The following DGKB variants were observed in gnomAD, a reference collection of about 807,000 sequenced individuals.
The protein encoded by DGKB is diacylglycerol kinase beta, also known as 90 kDa diacylglycerol kinase.
In DGKB, 67 loss-of-function variants were observed where a neutral mutation model predicts 114.3. That is an observed-to-expected ratio of 0.59 (90% CI 0.48 to 0.72). The LOEUF (loss-of-function observed/expected upper bound fraction) is 0.72, where lower values mean the gene tolerates loss of function less well. Ranked by LOEUF, DGKB falls within the 30% of genes least tolerant of loss-of-function variation. The pLI is 0.00. For missense variants in DGKB, 907 were observed against 975.2 expected (o/e 0.93, Z 0.93); for synonymous variants, 398 against 323.1 (o/e 1.23, Z -2.49).
At chr7:14,239,866 T>A (rs1793383628) in intron 23 of DGKB, among the ~76,000 whole-genome samples, 1 of 152,116 alleles carries the variant, frequency 6.6e-6, no homozygotes, top group African/African-American at 2.4e-5. Flanking sequence ...CTATCTATTA[T>A]CAAGGGATTG....
chr7:14,943,421 A>G (rs1214537364), intron 1 of DGKB, among the ~76,000 whole-genome samples: 1 of 151,980 alleles, frequency 6.6e-6, no homozygotes, highest in African/African-American at 2.4e-5. Context: ...CCAGACACTT[A>G]TTGAATAGAC....
At chr7:14,599,620 T>G (rs1167644815) in intron 17 of DGKB, among the ~76,000 whole-genome samples, 1 of 152,178 alleles carries the variant, frequency 6.6e-6, no homozygotes. Context: ...TGCTAATATA[T>G]GTATATTTCA....
rs559478756 is a variant in DGKB, at chr7:14,847,603, C to A, written c.-187-6153G>T. Among the ~76,000 whole-genome samples the A allele has an allele frequency of 2.0e-5, 3 of 152,286 alleles. No homozygotes were observed. The East Asian group carries it at 5.8e-4, about 29-fold the overall frequency. ...AGTGTTATGCTAAACAGATATGATACGTGAGCTATTAAATTGTGTTTAGGG... is the reference window on the plus strand; with the variant it reads ...AGTGTTATGCTAAACAGATATGATAAGTGAGCTATTAAATTGTGTTTAGGG... On this transcript the variant is annotated intron_variant, in intron 1 of 25. Coordinates refer to ENST00000402815, the MANE Select transcript of DGKB (RefSeq NM_001350709.2).
chr7:14,572,820 G>A (rs965194256), intron 20 of DGKB, among the ~76,000 whole-genome samples: 1 of 152,144 alleles, frequency 6.6e-6, no homozygotes, highest in African/African-American at 2.4e-5. Context: ...CTCCTATATT[G>A]TGTGATTTTA....
At chr7:14,710,213 G>T (rs1827123465) in intron 6 of DGKB, among the ~76,000 whole-genome samples, 1 of 151,862 alleles carries the variant, frequency 6.6e-6, no homozygotes, top group Admixed American at 6.6e-5. Context: ...ATATTGTTCT[G>T]TATAGAGACC....
At position 14,729,365 on chromosome 7, in the gene DGKB, G is replaced by A. The variant is rs575824652; in HGVS notation, c.322+6676C>T. On this transcript the variant is annotated intron_variant, in intron 5 of 25. Coordinates refer to ENST00000402815, the MANE Select transcript of DGKB (RefSeq NM_001350709.2). ...TCTCGATCTCCTGACCTTGTGATTC[G>A]CCCACCTTGGCCTCCCAAAGTGCTG... is the stretch of plus-strand genomic sequence containing the variant. 4.3e-3 allele frequency among the ~76,000 whole-genome samples: 646 copies of A among 151,342 alleles called. 1 individual carries two copies. Among genetic ancestry groups the A allele is most frequent in the Non-Finnish European group, 7.3e-3 (494 of 67,794 alleles).
chr7:14,916,074 T>C (rs1336319804), intron 1 of DGKB, among the ~76,000 whole-genome samples: 1 of 151,566 alleles, frequency 6.6e-6, no homozygotes, highest in African/African-American at 2.4e-5. Flanking sequence ...AAAGAAGATA[T>C]ATGCTGTTAT....
chr7:14,613,504 A>C, intron 15 of DGKB, 91 bp from the exon 16 acceptor site: 1 of 712,374 alleles, frequency 1.4e-6, no homozygotes, highest in Non-Finnish European at 2.4e-6. Context: ...AAATACCAAT[A>C]CGCAATTTCA....
chr7:14,876,151 A>G (rs1853249954), intron 1 of DGKB, among the ~76,000 whole-genome samples: 1 of 152,124 alleles, frequency 6.6e-6, no homozygotes, highest in African/African-American at 2.4e-5. Flanking sequence ...CCAGTGTGCC[A>G]TGTCTGTTTA....
At chr7:14,918,343 A>G (rs1396621797) in intron 1 of DGKB, among the ~76,000 whole-genome samples, 1 of 152,174 alleles carries the variant, frequency 6.6e-6, no homozygotes, top group Admixed American at 6.5e-5. Flanking sequence ...AAGTACAAAA[A>G]AGAACAACAA....
chr7:14,869,939 AT>A (rs1356010005), intron 1 of DGKB, among the ~76,000 whole-genome samples: 1 of 152,028 alleles, frequency 6.6e-6, no homozygotes, highest in Non-Finnish European at 1.5e-5. Context: ...ATAACCCACG[AT>A]TTTTTTATTA....
At chr7:14,469,897 G>A (rs562477971) in intron 21 of DGKB, among the ~76,000 whole-genome samples, 199 of 151,486 alleles carry the variant, frequency 1.3e-3, no homozygotes, top group Non-Finnish European at 2.2e-3. Flanking sequence ...TATATAAATC[G>A]ATGCATCACA....
chr7:14,941,049 G>A (rs916852496), intron 1 of DGKB, among the ~76,000 whole-genome samples: 3 of 151,842 alleles, frequency 2.0e-5, no homozygotes, highest in African/African-American at 7.3e-5. Flanking sequence ...GTTATGGTAA[G>A]GACCATCATT....
intron 1 of DGKB, among the ~76,000 whole-genome samples, chr7:14,961,726 G>C (rs1281179426): frequency 6.6e-6 from 1 of 152,034 alleles, no homozygotes; most frequent in Non-Finnish European, 1.5e-5. Context: ...CCTCCCTGTT[G>C]GGCTGGTAGA....
intron 20 of DGKB, among the ~76,000 whole-genome samples, chr7:14,563,161 C>T (rs1378692502): frequency 1.3e-5 from 2 of 152,172 alleles, no homozygotes; most frequent in Non-Finnish European, 1.5e-5. Context: ...TCCTCTTCTG[C>T]CTTCTGCCAT....
chr7:14,610,065 GC>G (rs549259860), intron 16 of DGKB, among the ~76,000 whole-genome samples: 173 of 152,058 alleles, frequency 1.1e-3, no homozygotes, highest in Middle Eastern at 3.4e-3. Context: ...AAAGATACAT[GC>G]ACTTTTATTT....
chr7:14,317,584 T>C (rs1165508024), intron 23 of DGKB, among the ~76,000 whole-genome samples: 2 of 149,234 alleles, frequency 1.3e-5, no homozygotes, highest in East Asian at 2.0e-4. Context: ...ACAAGGGATG[T>C]GAAGGACCTC....
At chr7:14,967,950 T>A (rs990707767) in intron 1 of DGKB, among the ~76,000 whole-genome samples, 1 of 152,090 alleles carries the variant, frequency 6.6e-6, no homozygotes, top group Non-Finnish European at 1.5e-5. Context: ...TAATAATTAC[T>A]GAGGATTAAT....
chr7:14,339,156 C>T (rs1356885620), intron 22 of DGKB, among the ~76,000 whole-genome samples: 3 of 151,332 alleles, frequency 2.0e-5, no homozygotes, highest in Non-Finnish European at 4.4e-5. Flanking sequence ...ATTGATGCCT[C>T]ATGGTCTCAC....
Sources: gnomAD v4.1 joint callset for allele counts (sites outside exome capture counted in the v4.1 genomes callset) on GRCh38, gnomAD v4.1.1 for gene constraint, MANE v1.5 for transcripts, NCBI Gene and HGNC (gene_info 2026-07-23, HGNC 2026-07-21) for gene names.